Variants in COG5 observed in about 807,000 individuals in gnomAD.
COG5 encodes conserved oligomeric Golgi complex subunit 5.
Under a neutral mutation model 110.4 loss-of-function variants are expected in COG5, and 86 were observed. The observed-to-expected ratio is 0.78, with a 90% CI of 0.65 to 0.93. The LOEUF (loss-of-function observed/expected upper bound fraction) is 0.93, where lower values mean the gene tolerates loss of function less well. Among genes scored for constraint, COG5 ranks in the 40% least tolerant of loss-of-function variants. The probability of loss-of-function intolerance (pLI) is 0.00; values close to 1 mark genes in which losing one functional copy is unlikely to be tolerated. For synonymous variants in COG5, 360 were observed against 334.6 expected (o/e 1.08, Z -0.83); for missense variants, 1,077 against 987.0 (o/e 1.09, Z -1.22).
chr7:107,258,177 C>A (rs569752296), intron 15 of COG5, 96 bp downstream of exon 15: 1 of 738,294 alleles, frequency 1.4e-6, no homozygotes, highest in East Asian at 2.7e-5. Context: ...TCATTGTATT[C>A]TTTTCCAAAG....
At chr7:107,325,435 G>C (rs1809679208) in intron 10 of COG5, among the ~76,000 whole-genome samples, 1 of 152,170 alleles carries the variant, frequency 6.6e-6, no homozygotes, top group South Asian at 2.1e-4. Context: ...TGGATTACCA[G>C]AGGTCAGGAG....
intron 6 of COG5, among the ~76,000 whole-genome samples, chr7:107,487,558 T>C (rs1295893418): frequency 6.6e-6 from 1 of 152,054 alleles, no homozygotes; most frequent in Non-Finnish European, 1.5e-5. Context: ...TGAGTATTTT[T>C]CACATTACTA....
chr7:107,468,668 A>C (rs1796448185), intron 6 of COG5, among the ~76,000 whole-genome samples: 1 of 152,220 alleles, frequency 6.6e-6, no homozygotes. Context: ...TTGGTCAGCT[A>C]TTCCCCTATA....
chr7:107,242,588 T>C (rs967774995), intron 17 of COG5, among the ~76,000 whole-genome samples: 1 of 152,234 alleles, frequency 6.6e-6, no homozygotes, highest in East Asian at 1.9e-4. Context: ...GCAATGGAAC[T>C]GCCCTTGTCA....
intron 10 of COG5, among the ~76,000 whole-genome samples, chr7:107,355,558 A>G (rs1231089745): frequency 5.3e-5 from 8 of 152,216 alleles, no homozygotes; most frequent in Non-Finnish European, 1.2e-4. Flanking sequence ...AAACAAACTG[A>G]GGTATAGCTA....
In COG5 at chr7:107,319,097, A is replaced by AT. The variant is rs35993880; in HGVS notation, c.1108+5342dup. Among the ~76,000 whole-genome samples the AT allele has an allele frequency of 4.5e-3, 641 of 141,620 alleles. 5 individuals carry two copies. The highest frequency in any genetic ancestry group is 0.012 in the African/African-American group (452 of 38,760). 92.9% of individuals were successfully genotyped at this position (141,620 alleles called of 152,430 possible). A position where few individuals can be genotyped will look rare whatever the true frequency, so the allele number is the denominator to read the frequency against. On this transcript the variant is annotated intron_variant, in intron 11 of 21. Transcript: ENST00000297135. ...TATGGCTGTATCTTCTAGTTCACTG[A>AT]TTTTTTTTTTTTTCTTCTCAGGGTT...
At chr7:107,237,270 T>C (rs1801267692) in intron 17 of COG5, among the ~76,000 whole-genome samples, 1 of 152,224 alleles carries the variant, frequency 6.6e-6, no homozygotes, top group Non-Finnish European at 1.5e-5. Flanking sequence ...GGAAAGGCTT[T>C]AATTTGGATC....
chr7:107,395,664 C>T (rs1790947196), intron 7 of COG5, among the ~76,000 whole-genome samples: 1 of 147,916 alleles, frequency 6.8e-6, no homozygotes. Context: ...AAGCAATTCT[C>T]CTGCCTCAGC....
intron 6 of COG5, among the ~76,000 whole-genome samples, chr7:107,433,796 C>CA (rs1311360441): frequency 2.0e-5 from 3 of 151,638 alleles, no homozygotes; most frequent in African/African-American, 4.8e-5. Flanking sequence ...AAATCACAGG[C>CA]AAAAAAAGTT....
Position 107,514,996 on chromosome 7 carries a change from T to G in COG5, c.538+12241A>C, listed in dbSNP as rs1471203273. Among the ~76,000 whole-genome samples, 3 of 152,184 alleles carry G rather than the reference T, an allele frequency of 2.0e-5. No individual in the cohort carries two copies. The East Asian group carries it at 5.8e-4, about 29-fold the overall frequency. ...TAGATAAGGACAGATCTTACACTTCTCAAACACAGAAACTGCATTTTACTC... is the reference window on the plus strand; with the variant it reads ...TAGATAAGGACAGATCTTACACTTCGCAAACACAGAAACTGCATTTTACTC... On this transcript the variant is annotated intron_variant, in intron 6 of 21. Coordinates refer to ENST00000297135, the MANE Select transcript of COG5 (RefSeq NM_006348.5).
At chr7:107,439,429 G>A (rs1207946770) in intron 6 of COG5, among the ~76,000 whole-genome samples, 1 of 151,990 alleles carries the variant, frequency 6.6e-6, no homozygotes, top group Non-Finnish European at 1.5e-5. Context: ...ATAGGCTTTT[G>A]TTCCTACCAC....
chr7:107,523,393 ACAG>A (rs1800472133), intron 6 of COG5, among the ~76,000 whole-genome samples: 1 of 151,938 alleles, frequency 6.6e-6, no homozygotes, highest in Non-Finnish European at 1.5e-5. Flanking sequence ...TTTATTAACT[ACAG>A]CTTTTTTTGA....
chr7:107,507,495 C>T (rs1437684956), intron 6 of COG5, among the ~76,000 whole-genome samples: 1 of 142,542 alleles, frequency 7.0e-6, no homozygotes, highest in Non-Finnish European at 1.5e-5. Context: ...TTTTAGTAGA[C>T]ACAGGGTTTC....
Position 107,548,125 on chromosome 7 carries a change from G to C in COG5, c.403C>G (p.Leu135Val). ...YNKIVARTAQ[L>V]ARLQVACDLL... ...TAAGAAACTACCTGAAGTCTTGCTAGTTGTGCAGTCCGGGCAACTATCTTA... is the reference window on the plus strand; with the variant it reads ...TAAGAAACTACCTGAAGTCTTGCTACTTGTGCAGTCCGGGCAACTATCTTA... Residue 135 changes from leucine (L) to valine (V), a missense_variant, in exon 5 of 22, where the codon CTA becomes GTA. Leu to Val is a conservative substitution (Grantham distance 32, BLOSUM62 1). Coordinates refer to ENST00000297135, the MANE Select transcript of COG5 (RefSeq NM_006348.5). 6.2e-7 allele frequency: 1 copy of C among 1,613,538 alleles called. No individual in the cohort carries two copies. The highest frequency in any genetic ancestry group is 1.1e-5 in the South Asian group (1 of 91,022).
intron 12 of COG5, among the ~76,000 whole-genome samples, chr7:107,294,653 T>C (rs1227263666): frequency 1.3e-5 from 2 of 151,446 alleles, no homozygotes; most frequent in Non-Finnish European, 2.9e-5. Flanking sequence ...CTTCATTCAC[T>C]ATGTTCCAGC....
intron 17 of COG5, among the ~76,000 whole-genome samples, chr7:107,241,699 G>A (rs550775742): frequency 3.9e-5 from 6 of 152,010 alleles, no homozygotes; most frequent in East Asian, 1.9e-4. Flanking sequence ...TGATCCGCCC[G>A]TCTCGGCCTC....
intron 10 of COG5, 106 bp from the exon 11 acceptor site, chr7:107,324,627 A>T: frequency 3.2e-6 from 2 of 633,214 alleles, no homozygotes; most frequent in Non-Finnish European, 5.5e-6. Context: ...AATTTAAATA[A>T]AAATTTTAGA....
chr7:107,526,908 G>T (rs1013529637), intron 6 of COG5, among the ~76,000 whole-genome samples: 3 of 152,168 alleles, frequency 2.0e-5, no homozygotes, highest in Admixed American at 1.3e-4. Flanking sequence ...ACCGTGAAGG[G>T]ATAATGAGGG....
chr7:107,344,684 C>T (rs948686949), intron 10 of COG5, among the ~76,000 whole-genome samples: 5 of 152,108 alleles, frequency 3.3e-5, no homozygotes, highest in Non-Finnish European at 7.3e-5. Context: ...GCCACCACAC[C>T]TGGTTAATTT....
Sources: gnomAD v4.1 joint callset for allele counts (sites outside exome capture counted in the v4.1 genomes callset) on GRCh38, gnomAD v4.1.1 for gene constraint, MANE v1.5 for transcripts, NCBI Gene and HGNC (gene_info 2026-07-23, HGNC 2026-07-21) for gene names.